The following FAM81A variants were observed in gnomAD, a reference collection of about 807,000 sequenced individuals.
FAM81A encodes the protein family with sequence similarity 81 member A, also known as protein FAM81A.
A neutral mutation model predicts 46.7 loss-of-function variants in FAM81A; 19 were observed. The ratio of observed to expected loss-of-function variants is 0.41; its 90% CI spans 0.28 to 0.60. FAM81A has a LOEUF of 0.60. Ranked by LOEUF, FAM81A falls within the 20% of genes least tolerant of loss-of-function variation. FAM81A has a pLI of 0.34. For missense variants in FAM81A, 377 were observed against 453.5 expected (o/e 0.83, Z 1.53); for synonymous variants, 183 against 152.9 (o/e 1.20, Z -1.45).
At chr15:59,470,319 C>G (rs2081669453) in intron 3 of FAM81A, among the ~76,000 whole-genome samples, 1 of 152,178 alleles carries the variant, frequency 6.6e-6, no homozygotes, top group Non-Finnish European at 1.5e-5. Context: ...GTTCCATTCT[C>G]CCCATCACTT....
chr15:59,513,952 T>C (rs2082240045), intron 6 of FAM81A, among the ~76,000 whole-genome samples: 1 of 152,074 alleles, frequency 6.6e-6, no homozygotes. Context: ...TGGAAGCCAT[T>C]ATCCTCAGCA....
At chr15:59,414,110 C>T (rs4272980) in intron 2 of FAM81A, among the ~76,000 whole-genome samples, 133,903 of 152,138 alleles carry the variant, frequency 0.88, 60,318 homozygotes, top group South Asian at 0.99. Context: ...GCCATCACCA[C>T]GCCCAGCTAA....
chr15:59,484,503 C>T (rs553432391), intron 3 of FAM81A, among the ~76,000 whole-genome samples: 12 of 152,322 alleles, frequency 7.9e-5, no homozygotes, highest in African/African-American at 2.9e-4. Flanking sequence ...CACCCCTCCA[C>T]CATTCCCTGT....
chr15:59,491,457 T>G (rs1353801513), intron 3 of FAM81A, among the ~76,000 whole-genome samples: 2 of 151,962 alleles, frequency 1.3e-5, no homozygotes, highest in African/African-American at 2.4e-5. Context: ...TGTGGATGAT[T>G]AATGGGCATT....
chr15:59,521,116 C>G, intron 8 of FAM81A, 138 bp from the exon 9 acceptor site: 1 of 920,836 alleles, frequency 1.1e-6, no homozygotes, highest in African/African-American at 1.7e-5. Flanking sequence ...TCACCTGTTC[C>G]CCATCATACT....
At chr15:59,483,743 C>A (rs1292778736) in intron 3 of FAM81A, among the ~76,000 whole-genome samples, 2 of 152,160 alleles carry the variant, frequency 1.3e-5, no homozygotes, top group Non-Finnish European at 2.9e-5. Context: ...CTAGTCTGTT[C>A]CCAATCCAGG....
In FAM81A at chr15:59,521,468, A is replaced by G; in HGVS notation, c.*90A>G. The G allele has an allele frequency of 2.1e-6, 3 of 1,447,690 alleles. No individual in the cohort carries two copies. The highest frequency in any genetic ancestry group is 2.6e-5 in the East Asian group (1 of 38,864). 89.7% of individuals were successfully genotyped at this position (1,447,690 alleles called of 1,614,324 possible). A position where few individuals can be genotyped will look rare whatever the true frequency, so the allele number is the denominator to read the frequency against. On this transcript the variant is annotated 3_prime_UTR_variant, in exon 9 of 9. Coordinates refer to ENST00000288228, the MANE Select transcript of FAM81A (RefSeq NM_152450.3). Reference sequence around the variant, plus strand: ...TAGCCAGGCCATCGCTGCATTCAGGATTGTTCCATCCATGGCGTGCATGTG... The same window carrying G: ...TAGCCAGGCCATCGCTGCATTCAGGGTTGTTCCATCCATGGCGTGCATGTG...
At position 59,478,528 on chromosome 15, in the gene FAM81A, G is replaced by A. The variant is rs575823741; in HGVS notation, c.295-13743G>A. 2.0e-5 allele frequency among the ~76,000 whole-genome samples: 3 copies of A among 152,278 alleles called. No homozygotes were observed. In the East Asian group the frequency reaches 5.8e-4, roughly 29 times the overall value. The stretch of plus-strand genomic sequence containing the variant: ...TTCCAGTACTGCCAATGAGGAAAGA[G>A]TTTTGGCTACTGGACTTCATGCATT... On this transcript the variant is annotated intron_variant, in intron 3 of 8. Coordinates refer to ENST00000288228, the MANE Select transcript of FAM81A (RefSeq NM_152450.3).
rs1409230413 is a variant in FAM81A at position 59,523,168 on chromosome 15, T to G, written c.*1790T>G. On this transcript the variant is annotated 3_prime_UTR_variant, in exon 9 of 9. Transcript: ENST00000288228. ...GAAGAGGGAGGCGGGGAACACCAGCTGGACTCTGGCCAAGGAGTGATGTAA... is the reference window on the plus strand; with the variant it reads ...GAAGAGGGAGGCGGGGAACACCAGCGGGACTCTGGCCAAGGAGTGATGTAA... The G allele has an allele frequency of 6.6e-6, 1 of 152,282 alleles. No individual in the cohort carries two copies. Among genetic ancestry groups the G allele is most frequent in the Non-Finnish European group, 1.5e-5 (1 of 68,082 alleles). The allele number at this position is 152,282 out of a possible 1,614,324, so 9.4% of individuals were successfully genotyped here. A position where few individuals can be genotyped will look rare whatever the true frequency, so the allele number is the denominator to read the frequency against.
intron 1 of FAM81A, among the ~76,000 whole-genome samples, chr15:59,440,455 C>T (rs535380778): frequency 8.5e-5 from 13 of 152,284 alleles, no homozygotes; most frequent in African/African-American, 2.6e-4. Context: ...AAACAAAAAA[C>T]GTGAGCAGCC....
At chr15:59,495,687 CTA>C (rs2082025947) in intron 4 of FAM81A, among the ~76,000 whole-genome samples, 1 of 152,198 alleles carries the variant, frequency 6.6e-6, no homozygotes. Context: ...CAGTTGTTTT[CTA>C]TCTTTTCGAT....
chr15:59,424,759 A>G (rs2081188218), intron 2 of FAM81A, among the ~76,000 whole-genome samples: 1 of 152,228 alleles, frequency 6.6e-6, no homozygotes, highest in Non-Finnish European at 1.5e-5. Flanking sequence ...AGTCAAAGTC[A>G]GTCCACCGTG....
At chr15:59,519,737 C>G (rs942982592) in intron 8 of FAM81A, among the ~76,000 whole-genome samples, 11 of 151,868 alleles carry the variant, frequency 7.2e-5, no homozygotes, top group African/African-American at 2.4e-4. Context: ...AAATGGCAGG[C>G]TCTCCTTTTT....
At chr15:59,401,632 T>C in intron 1 of FAM81A, 1 of 909,620 alleles carries the variant, frequency 1.1e-6, no homozygotes, top group Non-Finnish European at 1.8e-6. Context: ...GGGCACATAC[T>C]TTAGGCAGAG....
intron 3 of FAM81A, among the ~76,000 whole-genome samples, chr15:59,485,612 A>G (rs2081908594): frequency 6.6e-6 from 1 of 152,232 alleles, no homozygotes; most frequent in Non-Finnish European, 1.5e-5. Flanking sequence ...AACTTAGATT[A>G]CTTAACACCC....
intron 1 of FAM81A, among the ~76,000 whole-genome samples, chr15:59,445,771 C>A (rs1430429292): frequency 6.6e-6 from 1 of 152,224 alleles, no homozygotes; most frequent in Non-Finnish European, 1.5e-5. Flanking sequence ...AGAGAGTTTA[C>A]ATGGGCTTTT....
intron 3 of FAM81A, among the ~76,000 whole-genome samples, chr15:59,468,680 T>C (rs1417984990): frequency 2.0e-5 from 3 of 151,994 alleles, no homozygotes; most frequent in Non-Finnish European, 1.5e-5. Context: ...GATTCATTGA[T>C]TTTTTTGAAG....
At chr15:59,430,645 C>G (rs1170099011) in intron 2 of FAM81A, among the ~76,000 whole-genome samples, 4 of 152,160 alleles carry the variant, frequency 2.6e-5, no homozygotes, top group African/African-American at 4.8e-5. Flanking sequence ...AAAGTAGAAA[C>G]CACACTGTGA....
Position 59,458,650 on chromosome 15 carries a change from T to C in FAM81A, c.20+4T>C. ...ATATGGAAAATATGCATCTAAGGTATACTTTTCCTTTCCACTCATCCCATG... is the reference window on the plus strand; with the variant it reads ...ATATGGAAAATATGCATCTAAGGTACACTTTTCCTTTCCACTCATCCCATG... On this transcript the variant is annotated splice_donor_region_variant and intron_variant, in intron 2 of 8. Transcript: ENST00000288228. The C allele has an allele frequency of 6.2e-7, 1 of 1,613,236 alleles. No homozygotes were observed. Among genetic ancestry groups the C allele is most frequent in the Non-Finnish European group, 8.5e-7 (1 of 1,179,146 alleles).
Sources: allele counts gnomAD v4.1 joint callset (sites outside exome capture counted in the v4.1 genomes callset), GRCh38; gene constraint gnomAD v4.1.1; transcripts MANE v1.5; gene names NCBI Gene and HGNC (gene_info 2026-07-23, HGNC 2026-07-21).